The following PREX2 variants were observed in gnomAD, a reference collection of about 807,000 sequenced individuals.
The protein encoded by PREX2 is phosphatidylinositol 3,4,5-trisphosphate-dependent Rac exchanger 2 protein.
Under a neutral mutation model 203.2 loss-of-function variants are expected in PREX2, and 107 were observed. That is an observed-to-expected ratio of 0.53 (90% CI 0.45 to 0.62). The LOEUF is 0.62. Among genes scored for constraint, PREX2 ranks in the 20% least tolerant of loss-of-function variants. PREX2 has a pLI of 0.00. For missense variants in PREX2, 1,777 were observed against 1,955.9 expected, an observed-to-expected ratio of 0.91 and a Z score of 1.72; for synonymous variants, 672 against 663.6, an observed-to-expected ratio of 1.01 and a Z score of -0.19.
chr8:68,093,751 C>A, intron 21 of PREX2, 29 bp downstream of exon 21: 4 of 1,208,142 alleles, frequency 3.3e-6, no homozygotes, highest in Non-Finnish European at 4.9e-6. Flanking sequence ...TCTTCATGTG[C>A]TTATAGTATT....
intron 6 of PREX2, 56 bp downstream of exon 6, chr8:68,030,714 G>A (rs768002715): frequency 5.6e-5 from 86 of 1,547,520 alleles, no homozygotes; most frequent in Non-Finnish European, 7.1e-5. Context: ...TGCAGGCCTC[G>A]TGCAGAATTA....
At chr8:68,119,579 T>G (rs1810726257) in intron 28 of PREX2, 65 bp downstream of exon 28, 1 of 1,193,838 alleles carries the variant, frequency 8.4e-7, no homozygotes, top group South Asian at 1.2e-5. Flanking sequence ...CTTTTTCATA[T>G]GCAGTAAAAG....
At position 68,143,499 on chromosome 8, in the gene PREX2, A is replaced by G. The variant is rs1811266521; in HGVS notation, c.4088-2710A>G. On this transcript the variant is annotated intron_variant, in intron 33 of 39. Coordinates refer to ENST00000288368, the MANE Select transcript of PREX2 (RefSeq NM_024870.4). ...ACCAATTAAACCTCTTTTCTTTAAA[A>G]ATTACTCACTCAGACATTTTTATGG... Among the ~76,000 whole-genome samples, 2 of 152,150 alleles carry G rather than the reference A, an allele frequency of 1.3e-5. 1 individual carries two copies. Among genetic ancestry groups the G allele is most frequent in the Non-Finnish European group, 2.9e-5 (2 of 68,028 alleles).
In PREX2 at chr8:68,090,671, A is replaced by G. The variant is rs1374652615; in HGVS notation, c.2206A>G (p.Ile736Val). The change falls in exon 20 of 40, where the codon ATT (isoleucine) becomes GTT (valine). Residue 736 changes from isoleucine (I) to valine (V), a missense_variant. Transcript: ENST00000288368. Reference protein sequence around the residue: ...NVSKETHASVIAHVTACRKYR... With the variant: ...NVSKETHASVVAHVTACRKYR... ...CAGCAAAGAGACACATGCCAGTGTCATTGCACACGTTACAGCCTGCAGGAA... is the reference window on the plus strand; with the variant it reads ...CAGCAAAGAGACACATGCCAGTGTCGTTGCACACGTTACAGCCTGCAGGAA... 1.2e-6 allele frequency: 2 copies of G among 1,613,996 alleles called. No homozygotes were observed. The highest frequency in any genetic ancestry group is 1.7e-5 in the Admixed American group (1 of 60,006).
In PREX2 at chr8:67,952,540, G is replaced by A; in HGVS notation, c.141+5G>A. The A allele has an allele frequency of 6.2e-7, 1 of 1,608,770 alleles. No homozygotes were observed. The highest frequency in any genetic ancestry group is 8.5e-7 in the Non-Finnish European group (1 of 1,177,668). On this transcript the variant is annotated splice_donor_5th_base_variant and intron_variant, in intron 1 of 39. Transcript: ENST00000288368. ...ACGCTGGAGTTCCTGGTGTCGGTGA[G>A]TGTCCCCGGCAGACGCAGGGGGACG... is the stretch of plus-strand genomic sequence containing the variant.
intron 22 of PREX2, among the ~76,000 whole-genome samples, chr8:68,097,822 G>C (rs933544916): frequency 2.0e-5 from 3 of 152,168 alleles, no homozygotes; most frequent in South Asian, 4.1e-4. Flanking sequence ...AATTCAGATG[G>C]TTTTCATGAC....
chr8:68,035,906 A>G (rs867922747), intron 6 of PREX2, among the ~76,000 whole-genome samples: 5 of 152,206 alleles, frequency 3.3e-5, no homozygotes, highest in Admixed American at 2.6e-4. Flanking sequence ...TGTGAGATAC[A>G]CTTTGCGGCA....
At chr8:68,213,003 C>T (rs780304421) in intron 37 of PREX2, among the ~76,000 whole-genome samples, 24 of 152,232 alleles carry the variant, frequency 1.6e-4, no homozygotes, top group Admixed American at 1.3e-3. Context: ...AGGATATGGA[C>T]GTATTACATC....
chr8:68,061,475 C>T (rs950541364), intron 11 of PREX2, among the ~76,000 whole-genome samples: 1 of 152,192 alleles, frequency 6.6e-6, no homozygotes, highest in Admixed American at 6.5e-5. Flanking sequence ...GAGCACTAGG[C>T]CCCTCAGGGG....
intron 1 of PREX2, among the ~76,000 whole-genome samples, chr8:67,993,828 C>T (rs4078343): frequency 0.49 from 74,542 of 151,628 alleles, 18,649 homozygotes; most frequent in South Asian, 0.61. Context: ...TACGTTCTAT[C>T]GGCAATCTAA....
chr8:68,224,324 A>G lies in PREX2; in HGVS notation c.4708-235A>G, dbSNP rs902164144. Among the ~76,000 whole-genome samples, 6 of 152,282 alleles carry G rather than the reference A, an allele frequency of 3.9e-5. No individual in the cohort carries two copies. In the South Asian group the frequency reaches 1.2e-3, roughly 32 times the overall value. The stretch of plus-strand genomic sequence containing the variant: ...GAGCCACTGTGCCTGGCCTGTTTTC[A>G]ACATCTGAAGTATTGATCGCTTCTA... On this transcript the variant is annotated intron_variant, in intron 38 of 39. Coordinates refer to ENST00000288368, the MANE Select transcript of PREX2 (RefSeq NM_024870.4).
chr8:68,080,842 A>C lies in PREX2; in HGVS notation c.1878+4A>C. 1 of 1,381,092 alleles carries C rather than the reference A, an allele frequency of 7.2e-7. No homozygotes were observed. Among genetic ancestry groups the C allele is most frequent in the Non-Finnish European group, 1.0e-6 (1 of 981,962 alleles). The allele number at this position is 1,381,092 out of a possible 1,614,324, so 85.6% of individuals were successfully genotyped here. ...AGAAAAGGGATCTAATGCTGAGGTA[A>C]TGTAAATTAGCGTTTTAATTTAAAT... On this transcript the variant is annotated splice_donor_region_variant and intron_variant, in intron 17 of 39. Coordinates refer to ENST00000288368, the MANE Select transcript of PREX2 (RefSeq NM_024870.4).
chr8:68,227,952 T>G (rs945722461), intron 39 of PREX2, among the ~76,000 whole-genome samples: 1 of 152,204 alleles, frequency 6.6e-6, no homozygotes, highest in East Asian at 1.9e-4. Flanking sequence ...CAGAACTGCT[T>G]TTGGCATTGG....
At chr8:68,019,388 C>T (rs562971206) in intron 2 of PREX2, among the ~76,000 whole-genome samples, 161 bp from the exon 3 acceptor site, 2 of 152,256 alleles carry the variant, frequency 1.3e-5, no homozygotes, top group East Asian at 1.9e-4. Flanking sequence ...GTTGTGTCGG[C>T]GGCGTGAAGG....
intron 1 of PREX2, among the ~76,000 whole-genome samples, chr8:67,992,537 T>C (rs1191854425): frequency 6.6e-6 from 1 of 152,160 alleles, no homozygotes. Context: ...TTGAACCTTT[T>C]AAAAAAAGTG....
intron 37 of PREX2, among the ~76,000 whole-genome samples, chr8:68,202,746 CAGAG>C (rs747601425): frequency 9.9e-5 from 15 of 152,096 alleles, no homozygotes; most frequent in Non-Finnish European, 1.9e-4. Flanking sequence ...CAGAGAGAGA[CAGAG>C]AGACGAAGAA....
chr8:68,204,678 C>CTTTTTTTTTTTTTTTTTTTTTTTTTTTTT (rs1192583427), intron 37 of PREX2, among the ~76,000 whole-genome samples: 1 of 83,424 alleles, frequency 1.2e-5, no homozygotes, highest in Admixed American at 1.6e-4. Context: ...TTTCTTCTTT[C>CTTTTTTTTTTTTTTTTTTTTTTTTTTTTT]TTTTTTTTTT....
At chr8:68,037,820 G>C (rs886948146) in intron 6 of PREX2, among the ~76,000 whole-genome samples, 1 of 152,108 alleles carries the variant, frequency 6.6e-6, no homozygotes, top group Non-Finnish European at 1.5e-5. Flanking sequence ...AACAAAGAAA[G>C]AGAAATTATA....
intron 1 of PREX2, among the ~76,000 whole-genome samples, chr8:67,987,912 AGT>A (rs71253049): frequency 0.2 from 29,408 of 150,566 alleles, 3,179 homozygotes; most frequent in African/African-American, 0.29. Flanking sequence ...GCAGCCAGGG[AGT>A]GTGTGTGTGT....
Sources: allele counts gnomAD v4.1 joint callset (sites outside exome capture counted in the v4.1 genomes callset), GRCh38; gene constraint gnomAD v4.1.1; transcripts MANE v1.5; gene names NCBI Gene and HGNC (gene_info 2026-07-23, HGNC 2026-07-21).